The following SHC2 variants were observed in gnomAD, a reference collection of about 807,000 sequenced individuals.
SHC2 encodes the protein SHC adaptor protein 2.
Under a neutral mutation model 60.6 loss-of-function variants are expected in SHC2, and 62 were observed. The ratio of observed to expected loss-of-function variants is 1.02; its 90% CI spans 0.83 to 1.26. SHC2 has a LOEUF of 1.26. Ranked by LOEUF, SHC2 falls within the 50% of genes most tolerant of loss-of-function variation. The probability of loss-of-function intolerance (pLI) is 0.00; values close to 1 mark genes in which losing one functional copy is unlikely to be tolerated. For missense variants in SHC2, 873 were observed against 822.2 expected, an observed-to-expected ratio of 1.06 and a Z score of -0.76; for synonymous variants, 375 against 372.4, an observed-to-expected ratio of 1.01 and a Z score of -0.08.
intron 1 of SHC2, among the ~76,000 whole-genome samples, chr19:450,225 T>G (rs1788719722): frequency 2.0e-5 from 3 of 152,160 alleles, no homozygotes. Flanking sequence ...CCTCGGAGCT[T>G]CCTCCAGGCA....
At chr19:433,540 GAGTT>G (rs1974630648) in intron 8 of SHC2, among the ~76,000 whole-genome samples, 1 of 46,388 alleles carries the variant, frequency 2.2e-5, no homozygotes, top group Non-Finnish European at 3.8e-5. Flanking sequence ...TCGTGAGTGA[GAGTT>G]AGAGGAGGCC....
At position 445,195 on chromosome 19, in the gene SHC2, C is replaced by T. The variant is rs955889426; in HGVS notation, c.469-4263G>A. ...AATATCTGTGCCCCCCTCAAAATCC[C>T]TCTGTGGAAACCTATGCCCCACTGT... On this transcript the variant is annotated intron_variant, in intron 1 of 12. Coordinates refer to ENST00000264554, the MANE Select transcript of SHC2 (RefSeq NM_012435.3). This position sits in a 1 kb window ranked among gnomAD's most constrained non-coding sequence, Gnocchi z 4.4. 6.6e-6 allele frequency among the ~76,000 whole-genome samples: 1 copy of T among 152,222 alleles called. No individual in the cohort carries two copies. Among genetic ancestry groups the T allele is most frequent in the African/African-American group, 2.4e-5 (1 of 41,454 alleles).
intron 1 of SHC2, 105 bp downstream of exon 1, chr19:460,424 T>G (rs1600338994): frequency 2.7e-4 from 88 of 326,482 alleles, no homozygotes; most frequent in South Asian, 4.0e-4. Flanking sequence ...GCAGGAAGGA[T>G]GGGGAGGGGA....
chr19:438,962 T>C lies in SHC2; in HGVS notation c.600+8A>G. 1.3e-6 allele frequency: 2 copies of C among 1,596,590 alleles called. No homozygotes were observed. Among genetic ancestry groups the C allele is most frequent in the Non-Finnish European group, 8.5e-7 (1 of 1,171,796 alleles). On this transcript the variant is annotated splice_region_variant and intron_variant, in intron 3 of 12. Coordinates refer to ENST00000264554, the MANE Select transcript of SHC2 (RefSeq NM_012435.3). This position sits in a 1 kb window ranked among gnomAD's most constrained non-coding sequence, Gnocchi z 5.0. ...CCAGCCCCACGAGAGACCACAAGCC[T>C]CACTCACCTTTTTCTTCCAGGATCC...
intron 9 of SHC2, among the ~76,000 whole-genome samples, chr19:429,097 C>T (rs1345283244): frequency 1.3e-5 from 2 of 150,446 alleles, no homozygotes; most frequent in South Asian, 2.1e-4. Flanking sequence ...TGATGCGGTA[C>T]CTATACCCAA....
At chr19:434,671 G>A (rs1294776858) in intron 8 of SHC2, 38 bp downstream of exon 8, 3 of 1,525,434 alleles carry the variant, frequency 2.0e-6, no homozygotes, top group East Asian at 4.7e-5. Flanking sequence ...AGCAGCTGGG[G>A]CATCCCTGTC....
intron 11 of SHC2, 181 bp from the exon 12 acceptor site, chr19:419,237 G>T (rs1974217768): frequency 1.5e-6 from 1 of 665,660 alleles, no homozygotes; most frequent in Non-Finnish European, 2.4e-6. Context: ...AACCACCCAT[G>T]GGCACGGGCT....
At chr19:427,032 C>T (rs545837734) in intron 9 of SHC2, among the ~76,000 whole-genome samples, 1 of 152,174 alleles carries the variant, frequency 6.6e-6, no homozygotes, top group African/African-American at 2.4e-5. Flanking sequence ...CGCTGGCGAG[C>T]CCCCGGTCCG....
rs1975267290 is a variant in SHC2 at position 453,967 on chromosome 19, G to A, written c.468+6562C>T. 2.0e-5 allele frequency among the ~76,000 whole-genome samples: 3 copies of A among 152,206 alleles called. No homozygotes were observed. Among genetic ancestry groups the A allele is most frequent in the Non-Finnish European group, 4.4e-5 (3 of 68,046 alleles). ...AAATGGTACGTGTGGGAGAACACGG[G>A]GTCGGTGTCCACAGACCTTGGCACG... On this transcript the variant is annotated intron_variant, in intron 1 of 12. Coordinates refer to ENST00000264554, the MANE Select transcript of SHC2 (RefSeq NM_012435.3). The surrounding 1 kb of genome is among the most constrained non-coding windows in gnomAD (Gnocchi z 6.3).
At chr19:421,623 TG>T (rs550577583) in intron 11 of SHC2, among the ~76,000 whole-genome samples, 28 of 151,474 alleles carry the variant, frequency 1.8e-4, no homozygotes, top group African/African-American at 3.9e-4. Flanking sequence ...TCATGATAAA[TG>T]GGGGGGGAGA....
intron 1 of SHC2, among the ~76,000 whole-genome samples, chr19:454,790 CAAA>C (rs67330354): frequency 1.4e-5 from 2 of 145,908 alleles, no homozygotes; most frequent in Admixed American, 6.8e-5. Context: ...AACTCTGTCT[CAAA>C]AAAAAAAAAA....
intron 9 of SHC2, among the ~76,000 whole-genome samples, chr19:427,071 G>A (rs1029366368): frequency 6.6e-6 from 1 of 152,224 alleles, no homozygotes; most frequent in East Asian, 1.9e-4. Flanking sequence ...CCAGAGGAAC[G>A]TGCGCCAGGA....
At position 426,362 on chromosome 19, in the gene SHC2, G is replaced by C. The variant is rs559941994; in HGVS notation, c.1175-1131C>G. ...CCGGGGAGGGAGGACGACAGTGCGA[G>C]AGGCAGAGTCCGGGGAGGGAGGACG... On this transcript the variant is annotated intron_variant, in intron 9 of 12. Coordinates refer to ENST00000264554, the MANE Select transcript of SHC2 (RefSeq NM_012435.3). 2.9e-4 allele frequency among the ~76,000 whole-genome samples: 43 copies of C among 150,668 alleles called. No individual in the cohort carries two copies. In the South Asian group the frequency reaches 7.1e-3, roughly 25 times the overall value.
At position 425,381 on chromosome 19, in the gene SHC2, C is replaced by T; in HGVS notation, c.1175-150G>A. 1 of 620,394 alleles carries T rather than the reference C, an allele frequency of 1.6e-6. No individual in the cohort carries two copies. Among genetic ancestry groups the T allele is most frequent in the East Asian group, 3.5e-5 (1 of 28,936 alleles). The allele number at this position is 620,394 out of a possible 1,614,324, so 38.4% of individuals were successfully genotyped here. A position where few individuals can be genotyped will look rare whatever the true frequency, so the allele number is the denominator to read the frequency against. On this transcript the variant is annotated intron_variant, in intron 9 of 12. Coordinates refer to ENST00000264554, the MANE Select transcript of SHC2 (RefSeq NM_012435.3). This position sits in a 1 kb window ranked among gnomAD's most constrained non-coding sequence, Gnocchi z 4.1. ...GCTGCTCTGGTCTCCCTGTGGTAAC[C>T]CGCCCGTCTGCAGGTGCCACAGGGA...
rs188367465 is a variant in SHC2, at chr19:425,992, G to T, written c.1175-761C>A. Among the ~76,000 whole-genome samples the T allele has an allele frequency of 6.7e-6, 1 of 149,432 alleles. No individual in the cohort carries two copies. Among genetic ancestry groups the T allele is most frequent in the African/African-American group, 2.5e-5 (1 of 40,264 alleles). On this transcript the variant is annotated intron_variant, in intron 9 of 12. Coordinates refer to ENST00000264554, the MANE Select transcript of SHC2 (RefSeq NM_012435.3). The surrounding 1 kb of genome is among the most constrained non-coding windows in gnomAD (Gnocchi z 4.1). ...TGCAGTGAGCTGAGATTGTGCCATT[G>T]CAGTCCAGCCTGGGCAACAGAATGA... is the stretch of plus-strand genomic sequence containing the variant.
At chr19:420,654 C>G (rs1279801897) in intron 11 of SHC2, among the ~76,000 whole-genome samples, 1 of 152,140 alleles carries the variant, frequency 6.6e-6, no homozygotes, top group African/African-American at 2.4e-5. Flanking sequence ...AAAAACCTCC[C>G]TGTAAAATAA....
intron 1 of SHC2, among the ~76,000 whole-genome samples, chr19:442,959 ACGG>A (rs1974938889): frequency 1.1e-5 from 1 of 92,244 alleles, no homozygotes; most frequent in African/African-American, 4.3e-5. Context: ...GGATGGATGG[ACGG>A]GTGGGTGGAT....
At position 441,620 on chromosome 19, in the gene SHC2, T is replaced by C. The variant is rs1974872368; in HGVS notation, c.469-688A>G. Among the ~76,000 whole-genome samples the C allele has an allele frequency of 6.6e-6, 1 of 152,118 alleles. No homozygotes were observed. Among genetic ancestry groups the C allele is most frequent in the African/African-American group, 2.4e-5 (1 of 41,416 alleles). The stretch of plus-strand genomic sequence containing the variant: ...AGGGGCACAGCCCACGTCATCTCTA[T>C]GAAATGTCCTACAGAGGCAGCAAGA... On this transcript the variant is annotated intron_variant, in intron 1 of 12. Coordinates refer to ENST00000264554, the MANE Select transcript of SHC2 (RefSeq NM_012435.3). This position sits in a 1 kb window ranked among gnomAD's most constrained non-coding sequence, Gnocchi z 4.9.
chr19:439,291 C>T (rs1168388261), intron 2 of SHC2: 9 of 550,954 alleles, frequency 1.6e-5, no homozygotes, highest in Non-Finnish European at 2.6e-5. Flanking sequence ...ACTCCACGTG[C>T]GTCCTTGCAT....
Sources: allele counts gnomAD v4.1 joint callset (sites outside exome capture counted in the v4.1 genomes callset), GRCh38; gene constraint gnomAD v4.1.1; non-coding constraint Gnocchi (gnomAD v3.1); transcripts MANE v1.5; gene names NCBI Gene and HGNC (gene_info 2026-07-23, HGNC 2026-07-21).